The following IST1 variants were observed in gnomAD, a reference collection of about 807,000 sequenced individuals.
The protein encoded by IST1 is IST1 factor associated with ESCRT-III, also known as IST1 homolog.
IST1 carries 23 observed loss-of-function variants against 37.0 expected under a neutral mutation model. That is an observed-to-expected ratio of 0.62 (90% CI 0.45 to 0.88). The LOEUF is 0.88. IST1 is among the 40% of genes least tolerant of loss of function. IST1 has a pLI of 0.00. For missense variants in IST1, 488 were observed against 445.4 expected, an observed-to-expected ratio of 1.10 and a Z score of -0.86; for synonymous variants, 180 against 161.7, an observed-to-expected ratio of 1.11 and a Z score of -0.86.
intron 1 of IST1, among the ~76,000 whole-genome samples, chr16:71,912,352 C>T (rs959808893): frequency 2.0e-5 from 3 of 152,114 alleles, no homozygotes; most frequent in East Asian, 1.9e-4. Context: ...ATTCTCTTGC[C>T]TCAGCCTCCT....
intron 6 of IST1, 98 bp from the exon 7 acceptor site, chr16:71,922,376 T>C: frequency 1.0e-6 from 1 of 988,474 alleles, no homozygotes; most frequent in South Asian, 1.5e-5. Flanking sequence ...AGCACTCCAG[T>C]AAACTTGCTT....
intron 1 of IST1, among the ~76,000 whole-genome samples, chr16:71,896,096 G>A (rs2036963572): frequency 6.6e-6 from 1 of 152,222 alleles, no homozygotes; most frequent in South Asian, 2.1e-4. Flanking sequence ...ACGGACTTGG[G>A]TCCACTTTGG....
intron 5 of IST1, 49 bp downstream of exon 5, chr16:71,920,871 ATTGT>A: frequency 7.6e-7 from 1 of 1,315,192 alleles, no homozygotes; most frequent in Non-Finnish European, 1.1e-6. Flanking sequence ...GGAGCAGTTT[ATTGT>A]ACTGCTTGTG....
intron 1 of IST1, among the ~76,000 whole-genome samples, chr16:71,903,978 C>T (rs1488349164): frequency 6.6e-6 from 1 of 152,170 alleles, no homozygotes; most frequent in African/African-American, 2.4e-5. Flanking sequence ...TTGTTGGGTG[C>T]ATTCACAGTT....
At chr16:71,913,032 T>C (rs1264436264) in intron 1 of IST1, among the ~76,000 whole-genome samples, 1 of 152,218 alleles carries the variant, frequency 6.6e-6, no homozygotes, top group African/African-American at 2.4e-5. Flanking sequence ...CCTCCACCTC[T>C]TGGCCATTGT....
At chr16:71,922,450 C>T (rs1597254596) in intron 6 of IST1, 24 bp from the exon 7 acceptor site, 4 of 1,603,286 alleles carry the variant, frequency 2.5e-6, no homozygotes, top group Non-Finnish European at 3.4e-6. Flanking sequence ...GGGTTAATGA[C>T]CTGGGTTTCT....
chr16:71,916,566 C>T lies in IST1; in HGVS notation c.193C>T (p.Leu65Phe), dbSNP rs778295338. ...GGAGCACATTATCCGGGAAGACTAC[C>T]TCGTGGAGGCCATGGAGATCCTGGA... ...RVEHIIREDYLVEAMEILELY... is the reference protein window; with the variant it reads ...RVEHIIREDYFVEAMEILELY... The change falls in exon 3 of 10, where the codon CTC (leucine) becomes TTC (phenylalanine). Residue 65 changes from leucine to phenylalanine, a missense_variant. By Grantham distance (22) the Leu-to-Phe change is conservative. This residue lies in a region of IST1 where 455 missense variants were observed against 386.2 expected (regional missense o/e 1.18). Transcript: ENST00000378799. The T allele has an allele frequency of 6.2e-7, 1 of 1,614,020 alleles. No individual in the cohort carries two copies. The highest frequency in any genetic ancestry group is 1.1e-5 in the South Asian group (1 of 91,082).
intron 9 of IST1, among the ~76,000 whole-genome samples, chr16:71,925,203 C>T (rs941444973): frequency 4.0e-5 from 6 of 151,656 alleles, no homozygotes; most frequent in East Asian, 1.9e-4. Flanking sequence ...TTAGTAGAGA[C>T]GGGGTTTCAC....
At chr16:71,902,738 A>G (rs1442707162) in intron 1 of IST1, among the ~76,000 whole-genome samples, 1 of 152,104 alleles carries the variant, frequency 6.6e-6, no homozygotes, top group East Asian at 1.9e-4. Flanking sequence ...ATCTGTAGTG[A>G]TATTCACCCT....
rs1446828496 is a variant in IST1 at position 71,922,618 on chromosome 16, C to T, written c.697C>T (p.Pro233Ser). ...GPDGTVPMPMPMPMPMPSANT... is the reference protein window; with the variant it reads ...GPDGTVPMPMSMPMPMPSANT... ...TGATGGAACGGTGCCAATGCCCATG[C>T]CCATGCCCATGCCTATGCCATCTGC... Residue 233 changes from proline (P) to serine (S), a missense_variant, in exon 7 of 10, where the codon CCC (proline) becomes TCC (serine). By Grantham distance (74) the Pro-to-Ser change is moderately conservative. This residue lies in a region of IST1 where 455 missense variants were observed against 386.2 expected (regional missense o/e 1.18). Coordinates refer to ENST00000378799, the MANE Select transcript of IST1 (RefSeq NM_001270975.2). 6.2e-7 allele frequency: 1 copy of T among 1,612,334 alleles called. No individual in the cohort carries two copies. Among genetic ancestry groups the T allele is most frequent in the South Asian group, 1.1e-5 (1 of 90,976 alleles).
rs1428874019 is a variant in IST1 at position 71,930,262 on chromosome 16, T to G, written c.*2449T>G. 2.9e-6 allele frequency: 4 copies of G among 1,366,792 alleles called. No homozygotes were observed. The highest frequency in any genetic ancestry group is 1.5e-5 in the African/African-American group (1 of 68,504). The allele number at this position is 1,366,792 out of a possible 1,614,324, so 84.7% of individuals were successfully genotyped here. A position where few individuals can be genotyped will look rare whatever the true frequency, so the allele number is the denominator to read the frequency against. ...CAAACATAAGCTATATGCTAGTGTT[T>G]GGGATCTTATCAGAAGAAAAGCTTA... On this transcript the variant is annotated 3_prime_UTR_variant, in exon 10 of 10. Transcript: ENST00000378799.
At position 71,929,402 on chromosome 16, in the gene IST1, G is replaced by A. The variant is rs2037836128; in HGVS notation, c.*1589G>A. On this transcript the variant is annotated 3_prime_UTR_variant, in exon 10 of 10. Transcript: ENST00000378799. ...ATCTTGACAGTGCCAAGATCCATAAGAACTTGGGACCAAGGGGATTTTGAT... is the reference window on the plus strand; with the variant it reads ...ATCTTGACAGTGCCAAGATCCATAAAAACTTGGGACCAAGGGGATTTTGAT... 6.9e-6 allele frequency: 6 copies of A among 865,408 alleles called. No homozygotes were observed. The South Asian group carries it at 1.2e-4, about 18-fold the overall frequency. The allele number at this position is 865,408 out of a possible 1,614,324, so 53.6% of individuals were successfully genotyped here. A position where few individuals can be genotyped will look rare whatever the true frequency, so the allele number is the denominator to read the frequency against.
At chr16:71,914,329 T>C (rs536726182) in intron 1 of IST1, among the ~76,000 whole-genome samples, 6 of 151,690 alleles carry the variant, frequency 4.0e-5, no homozygotes, top group Non-Finnish European at 8.8e-5. Flanking sequence ...CAGCTAATTT[T>C]TTTTGTATTT....
chr16:71,895,548 C>T lies in IST1; in HGVS notation c.-57C>T, dbSNP rs2142508821. The T allele has an allele frequency of 2.0e-6, 2 of 985,702 alleles. No individual in the cohort carries two copies. Among genetic ancestry groups the T allele is most frequent in the Non-Finnish European group, 2.4e-6 (2 of 830,084 alleles). The allele number at this position is 985,702 out of a possible 1,614,324, so 61.1% of individuals were successfully genotyped here. A position where few individuals can be genotyped will look rare whatever the true frequency, so the allele number is the denominator to read the frequency against. On this transcript the variant is annotated 5_prime_UTR_variant, in exon 1 of 10. Transcript: ENST00000378799. ...GAGTCGCCATTTTGGATGGTGAACC[C>T]TGAAGTCGGTGTCTGCTGCGTTCAC...
chr16:71,895,395 G>A, upstream of IST1: 5 of 400,890 alleles, frequency 1.2e-5, no homozygotes, highest in Non-Finnish European at 1.7e-5. Flanking sequence ...GGAAACCGAG[G>A]GAGGGTGCCC....
At chr16:71,926,673 G>A (rs1411378870) in intron 9 of IST1, among the ~76,000 whole-genome samples, 1 of 152,094 alleles carries the variant, frequency 6.6e-6, no homozygotes, top group Non-Finnish European at 1.5e-5. Flanking sequence ...TGTATACACA[G>A]ACAATTCCAC....
In IST1 at chr16:71,900,230, G is replaced by A. The variant is rs115741109; in HGVS notation, c.-16+4641G>A. ...ACGTCAAAACCAAAAGCTTTTGTACGTATTGGAGTGTCTGTAGCCAGTCTT... is the reference window on the plus strand; with the variant it reads ...ACGTCAAAACCAAAAGCTTTTGTACATATTGGAGTGTCTGTAGCCAGTCTT... On this transcript the variant is annotated intron_variant, in intron 1 of 9. Transcript: ENST00000378799. 5.9e-3 allele frequency among the ~76,000 whole-genome samples: 887 copies of A among 150,360 alleles called. 10 individuals are homozygous for A. The highest frequency in any genetic ancestry group is 0.019 in the African/African-American group (782 of 41,048).
chr16:71,908,671 A>G (rs150442081), intron 1 of IST1, among the ~76,000 whole-genome samples: 4 of 152,294 alleles, frequency 2.6e-5, no homozygotes, highest in Non-Finnish European at 5.9e-5. Flanking sequence ...AGATTTTCCC[A>G]GTGAGTATCA....
chr16:71,901,021 A>G (rs1365469345), intron 1 of IST1, among the ~76,000 whole-genome samples: 1 of 152,182 alleles, frequency 6.6e-6, no homozygotes, highest in Non-Finnish European at 1.5e-5. Context: ...ATATAATCAC[A>G]TATGTATAAA....
Sources: gnomAD v4.1 joint callset for allele counts (sites outside exome capture counted in the v4.1 genomes callset) on GRCh38, gnomAD v4.1.1 for gene constraint, gnomAD v4.1.1 regional missense constraint, MANE v1.5 for transcripts, NCBI Gene and HGNC (gene_info 2026-07-23, HGNC 2026-07-21) for gene names.